PTPN2: variants seen among roughly 807,000 people sequenced by gnomAD.
PTPN2 encodes tyrosine-protein phosphatase non-receptor type 2.
Under a neutral mutation model 57.3 loss-of-function variants are expected in PTPN2, and 19 were observed. The ratio of observed to expected loss-of-function variants is 0.33; its 90% CI spans 0.23 to 0.49. PTPN2 has a LOEUF of 0.49. PTPN2 is among the 20% of genes least tolerant of loss of function. The probability of loss-of-function intolerance (pLI) is 0.99; values close to 1 mark genes in which losing one functional copy is unlikely to be tolerated. For missense variants in PTPN2, 358 were observed against 501.1 expected (o/e 0.71, Z 2.73); for synonymous variants, 153 against 164.9 (o/e 0.93, Z 0.55).
At chr18:12,818,287 A>G (rs767191596) in intron 5 of PTPN2, among the ~76,000 whole-genome samples, 14 of 152,342 alleles carry the variant, frequency 9.2e-5, no homozygotes, top group Middle Eastern at 3.4e-3. Context: ...ATAGGGGAGC[A>G]ACTCAAGAAT....
chr18:12,848,097 C>T (rs1015677430), intron 2 of PTPN2, among the ~76,000 whole-genome samples: 1 of 151,924 alleles, frequency 6.6e-6, no homozygotes, highest in South Asian at 2.1e-4. Context: ...ATAATAGTTA[C>T]CATAAAATTT....
intron 5 of PTPN2, among the ~76,000 whole-genome samples, chr18:12,817,572 C>T (rs924002589): frequency 3.9e-5 from 6 of 152,134 alleles, no homozygotes; most frequent in Admixed American, 2.0e-4. Context: ...TAATAGCTAA[C>T]GCATACAACA....
At chr18:12,854,016 G>C (rs2043486898) in intron 2 of PTPN2, among the ~76,000 whole-genome samples, 1 of 152,134 alleles carries the variant, frequency 6.6e-6, no homozygotes, top group South Asian at 2.1e-4. Flanking sequence ...GAAAAGCGTA[G>C]TAGGGCCTGA....
intron 1 of PTPN2, 118 bp downstream of exon 1, chr18:12,883,955 C>G: frequency 1.1e-6 from 1 of 882,018 alleles, no homozygotes; most frequent in Admixed American, 2.9e-5. Flanking sequence ...GCCGCCACTT[C>G]CGCCCCGAGC....
At chr18:12,816,983 A>T (rs1387314968) in intron 6 of PTPN2, among the ~76,000 whole-genome samples, 173 bp downstream of exon 6, 1 of 152,200 alleles carries the variant, frequency 6.6e-6, no homozygotes, top group African/African-American at 2.4e-5. Flanking sequence ...CCAGTCATGA[A>T]TAAGAGGCAG....
chr18:12,866,299 G>A (rs1213922045), intron 1 of PTPN2, among the ~76,000 whole-genome samples: 2 of 152,010 alleles, frequency 1.3e-5, no homozygotes. Flanking sequence ...TTAGCCGGGT[G>A]TGGTGGCGGG....
intron 1 of PTPN2, among the ~76,000 whole-genome samples, chr18:12,873,219 T>G (rs2044329719): frequency 1.4e-5 from 2 of 146,568 alleles, no homozygotes; most frequent in Non-Finnish European, 3.0e-5. Context: ...AGACTCCGTC[T>G]CAAGAAAAAA....
intron 2 of PTPN2, among the ~76,000 whole-genome samples, chr18:12,838,371 A>G (rs1278472305): frequency 6.6e-6 from 1 of 152,202 alleles, no homozygotes; most frequent in African/African-American, 2.4e-5. Flanking sequence ...ACCCTTGCCC[A>G]GCTATGCAGG....
intron 1 of PTPN2, among the ~76,000 whole-genome samples, chr18:12,879,469 A>G (rs1306811407): frequency 6.6e-6 from 1 of 152,230 alleles, no homozygotes; most frequent in Non-Finnish European, 1.5e-5. Context: ...CTTTCCTCGT[A>G]AAAAGTCATT....
intron 2 of PTPN2, chr18:12,844,045 T>C (rs541735709): frequency 6.6e-6 from 1 of 152,358 alleles, no homozygotes; most frequent in African/African-American, 2.4e-5. Context: ...ATGTACTATG[T>C]CATCATTGGA....
At chr18:12,830,791 C>T (rs530278667) in intron 4 of PTPN2, 152 bp downstream of exon 4, 11 of 511,720 alleles carry the variant, frequency 2.1e-5, no homozygotes, top group Admixed American at 1.5e-4. Context: ...GAAAAGGATA[C>T]ATGAGTTTTT....
In PTPN2 at chr18:12,817,196, C is replaced by A; in HGVS notation, c.665G>T (p.Arg222Leu). The change falls in exon 6 of 9, where the codon CGC becomes CTC. Residue 222 changes from arginine to leucine, a missense_variant. By Grantham distance (102) the Arg-to-Leu change is moderately radical. Coordinates refer to ENST00000309660, the MANE Select transcript of PTPN2 (RefSeq NM_002828.4). ...AVIHCSAGIG[R>L]SGTFSLVDTC... ...GTCTACCAGAGAGAAGGTGCCAGAG[C>A]GCCCAATGCCTGCACTACAGTGGAT... The A allele has an allele frequency of 6.2e-7, 1 of 1,614,122 alleles. No homozygotes were observed. Among genetic ancestry groups the A allele is most frequent in the Non-Finnish European group, 8.5e-7 (1 of 1,180,016 alleles).
chr18:12,869,294 A>C (rs1337105016), intron 1 of PTPN2, among the ~76,000 whole-genome samples: 1 of 152,178 alleles, frequency 6.6e-6, no homozygotes, highest in Non-Finnish European at 1.5e-5. Context: ...CCCCCACCTC[A>C]GCCTCCCAAG....
At chr18:12,866,517 A>G (rs915595739) in intron 1 of PTPN2, among the ~76,000 whole-genome samples, 4 of 152,234 alleles carry the variant, frequency 2.6e-5, no homozygotes, top group African/African-American at 9.6e-5. Flanking sequence ...GTATGAGACC[A>G]GGACAGGGAA....
rs1006862737 is a variant in PTPN2, at chr18:12,839,343, A to C, written c.161-2452T>G. 3.3e-5 allele frequency among the ~76,000 whole-genome samples: 5 copies of C among 152,150 alleles called. No homozygotes were observed. The South Asian group carries it at 1.0e-3, about 32-fold the overall frequency. ...CAGTCAGCCCCAAATCTGTAAACTA[A>C]TCATTAAAAAACAAACTTTTGACTT... On this transcript the variant is annotated intron_variant, in intron 2 of 8. Coordinates refer to ENST00000309660, the MANE Select transcript of PTPN2 (RefSeq NM_002828.4).
intron 2 of PTPN2, among the ~76,000 whole-genome samples, chr18:12,858,606 G>C (rs1002618197): frequency 2.0e-5 from 3 of 152,164 alleles, no homozygotes; most frequent in African/African-American, 7.2e-5. Flanking sequence ...AGCTACAAAT[G>C]AGTATGTGGC....
At chr18:12,861,314 T>C (rs1022778594) in intron 1 of PTPN2, among the ~76,000 whole-genome samples, 5 of 152,240 alleles carry the variant, frequency 3.3e-5, no homozygotes, top group Non-Finnish European at 5.9e-5. Flanking sequence ...GAAAGTTAAT[T>C]GACTTAATAC....
At chr18:12,840,974 C>A (rs2043025089) in intron 2 of PTPN2, 1 of 1,444,826 alleles carries the variant, frequency 6.9e-7, no homozygotes, top group Non-Finnish European at 9.1e-7. Flanking sequence ...TTTCAGCAAT[C>A]ATACACAATT....
chr18:12,848,828 A>G (rs193017116), intron 2 of PTPN2, among the ~76,000 whole-genome samples: 6 of 152,266 alleles, frequency 3.9e-5, no homozygotes, highest in Admixed American at 3.9e-4. Context: ...AGCAACAGAT[A>G]AAACTTTTAT....
Sources: gnomAD v4.1 joint callset for allele counts (sites outside exome capture counted in the v4.1 genomes callset) on GRCh38, gnomAD v4.1.1 for gene constraint, MANE v1.5 for transcripts, NCBI Gene and HGNC (gene_info 2026-07-23, HGNC 2026-07-21) for gene names.